The following LTBP1 variants were observed in gnomAD, a reference collection of about 807,000 sequenced individuals.
The protein encoded by LTBP1 is latent-transforming growth factor beta-binding protein 1.
Under a neutral mutation model 207.6 loss-of-function variants are expected in LTBP1, and 129 were observed. The observed-to-expected ratio is 0.62, with a 90% CI of 0.54 to 0.72. LTBP1 has a LOEUF of 0.72. LTBP1 is among the 30% of genes least tolerant of loss of function. The pLI is 0.00. For missense variants in LTBP1, 2,281 were observed against 2,217.2 expected (o/e 1.03, Z -0.58); for synonymous variants, 963 against 833.7 (o/e 1.16, Z -2.67).
intron 32 of LTBP1, among the ~76,000 whole-genome samples, chr2:33,392,524 T>C (rs2095323800): frequency 6.6e-6 from 1 of 152,128 alleles, no homozygotes; most frequent in South Asian, 2.1e-4. Flanking sequence ...TCATGTGGTT[T>C]CTGTTGTAGG....
chr2:33,056,288 C>G (rs529588878), intron 3 of LTBP1: 1 of 699,228 alleles, frequency 1.4e-6, no homozygotes, highest in Non-Finnish European at 2.1e-6. Context: ...TGTTTCCCAT[C>G]TGAAAGACAA....
chr2:33,268,258 A>G (rs969906342), intron 15 of LTBP1, among the ~76,000 whole-genome samples: 1 of 152,188 alleles, frequency 6.6e-6, no homozygotes, highest in African/African-American at 2.4e-5. Context: ...TTAAGGAGCA[A>G]TCTCATCAGT....
chr2:33,082,431 A>T (rs2078468163), intron 3 of LTBP1, among the ~76,000 whole-genome samples: 1 of 116,044 alleles, frequency 8.6e-6, no homozygotes, highest in African/African-American at 3.3e-5. Context: ...AGTATGACTC[A>T]CTTTTTTTTT....
intron 9 of LTBP1, among the ~76,000 whole-genome samples, chr2:33,231,216 A>C (rs956291037): frequency 6.6e-6 from 1 of 152,248 alleles, no homozygotes; most frequent in Non-Finnish European, 1.5e-5. Context: ...AGCCCGTTAA[A>C]GGAAATAGGA....
rs745873723 is a variant in LTBP1, at chr2:33,397,297, T to C, written c.4984+15T>C. 130 of 1,613,792 alleles carry C rather than the reference T, an allele frequency of 8.1e-5. 2 individuals carry two copies. In the South Asian group the frequency reaches 1.4e-3, roughly 17 times the overall value. ...GACCTGTGTCGGTAAGAATGACGTG[T>C]GTTTTATGGGACATTAATTTTTTCC... On this transcript the variant is annotated intron_variant, in intron 33 of 33. Coordinates refer to ENST00000404816, the MANE Select transcript of LTBP1 (RefSeq NM_206943.4).
At chr2:33,334,135 G>A (rs1249946402) in intron 24 of LTBP1, among the ~76,000 whole-genome samples, 2 of 152,184 alleles carry the variant, frequency 1.3e-5, no homozygotes, top group Non-Finnish European at 2.9e-5. Flanking sequence ...TTGAATTCAG[G>A]AGCCACTCAA....
chr2:33,310,909 A>C (rs1161130620), intron 23 of LTBP1, among the ~76,000 whole-genome samples: 1 of 152,148 alleles, frequency 6.6e-6, no homozygotes, highest in Non-Finnish European at 1.5e-5. Context: ...ATACCCAATA[A>C]ATGTTATTTT....
chr2:33,309,160 A>T (rs1006757080), intron 22 of LTBP1, among the ~76,000 whole-genome samples: 21 of 151,686 alleles, frequency 1.4e-4, no homozygotes, highest in African/African-American at 4.8e-4. Context: ...GTGGGCGCCT[A>T]TAATCCCAAC....
chr2:33,259,294 G>T (rs2092948019), intron 12 of LTBP1, among the ~76,000 whole-genome samples: 2 of 152,176 alleles, frequency 1.3e-5, no homozygotes, highest in South Asian at 4.1e-4. Context: ...ATAAAATGTT[G>T]TACCAGAAAG....
intron 2 of LTBP1, among the ~76,000 whole-genome samples, chr2:32,997,652 G>A (rs1158022482): frequency 1.3e-5 from 2 of 152,186 alleles, no homozygotes; most frequent in African/African-American, 4.8e-5. Context: ...GCCTTACCAG[G>A]TGGGTTCAGA....
chr2:32,975,919 C>G (rs1681710025), intron 2 of LTBP1, among the ~76,000 whole-genome samples: 1 of 152,080 alleles, frequency 6.6e-6, no homozygotes, highest in South Asian at 2.1e-4. Flanking sequence ...CCATTTCATC[C>G]TAGTTAAGGA....
At chr2:33,162,018 C>T (rs1276552216) in intron 5 of LTBP1, among the ~76,000 whole-genome samples, 1 of 152,190 alleles carries the variant, frequency 6.6e-6, no homozygotes, top group African/African-American at 2.4e-5. Context: ...GAAGCACATG[C>T]TGAGGAACTT....
At chr2:33,121,537 A>G (rs2081120571) in intron 4 of LTBP1, among the ~76,000 whole-genome samples, 1 of 151,896 alleles carries the variant, frequency 6.6e-6, no homozygotes, top group Non-Finnish European at 1.5e-5. Context: ...TTTAACCAAC[A>G]CCCCTTAATG....
intron 4 of LTBP1, among the ~76,000 whole-genome samples, chr2:33,117,602 AC>A (rs1350734866): frequency 1.3e-5 from 2 of 152,202 alleles, no homozygotes; most frequent in Non-Finnish European, 2.9e-5. Context: ...AATATTTAAC[AC>A]GGACAGGTCT....
chr2:33,244,618 C>T (rs1373372344), intron 10 of LTBP1, among the ~76,000 whole-genome samples: 1 of 152,070 alleles, frequency 6.6e-6, no homozygotes. Context: ...AGTAATCATG[C>T]CCATTATTAT....
intron 3 of LTBP1, among the ~76,000 whole-genome samples, chr2:33,072,988 G>C (rs553512179): frequency 9.8e-5 from 15 of 152,316 alleles, no homozygotes; most frequent in African/African-American, 1.9e-4. Flanking sequence ...TGACACCCCT[G>C]GGGGGAGTAG....
intron 3 of LTBP1, among the ~76,000 whole-genome samples, chr2:33,102,991 C>T (rs556194092): frequency 2.6e-5 from 4 of 151,612 alleles, no homozygotes; most frequent in African/African-American, 7.3e-5. Context: ...TGCACAGTCT[C>T]TATGTTGTAT....
chr2:33,138,236 C>T (rs1288718768), intron 5 of LTBP1, among the ~76,000 whole-genome samples: 1 of 152,114 alleles, frequency 6.6e-6, no homozygotes, highest in Non-Finnish European at 1.5e-5. Context: ...AGCATGCAGT[C>T]TCTGTTCTTG....
intron 3 of LTBP1, among the ~76,000 whole-genome samples, chr2:33,103,391 GCTGTATGCATTGT>G (rs2079856466): frequency 6.6e-6 from 1 of 152,170 alleles, no homozygotes; most frequent in African/African-American, 2.4e-5. Context: ...TAGTCTGTAT[GCTGTATGCATTGT>G]CTGTATGCAT....
Sources: allele counts gnomAD v4.1 joint callset (sites outside exome capture counted in the v4.1 genomes callset), GRCh38; gene constraint gnomAD v4.1.1; transcripts MANE v1.5; gene names NCBI Gene and HGNC (gene_info 2026-07-23, HGNC 2026-07-21).